Variants in FOXP1 observed in about 807,000 individuals in gnomAD.
FOXP1 encodes forkhead box protein P1.
A neutral mutation model predicts 98.2 loss-of-function variants in FOXP1; 15 were observed. The observed-to-expected ratio is 0.15, with a 90% CI of 0.10 to 0.24. The LOEUF is 0.24. Among genes scored for constraint, FOXP1 ranks in the 10% least tolerant of loss-of-function variants. FOXP1 has a pLI of 1.00. For missense variants in FOXP1, 633 were observed against 848.5 expected (o/e 0.75, Z 3.15); for synonymous variants, 371 against 314.5 (o/e 1.18, Z -1.90).
At chr3:71,030,619 G>T (rs1201070568) in intron 11 of FOXP1, among the ~76,000 whole-genome samples, 2 of 152,228 alleles carry the variant, frequency 1.3e-5, no homozygotes, top group African/African-American at 4.8e-5. Flanking sequence ...TTTGAGCTTG[G>T]TAAGTTTGGT....
chr3:71,142,998 T>C (rs1055618573), intron 6 of FOXP1, among the ~76,000 whole-genome samples: 1 of 152,028 alleles, frequency 6.6e-6, no homozygotes, highest in Non-Finnish European at 1.5e-5. Flanking sequence ...AGGGCTTGCA[T>C]ACTGGTCCCA....
chr3:71,576,757 C>G (rs1202381017), intron 2 of FOXP1, among the ~76,000 whole-genome samples: 1 of 152,114 alleles, frequency 6.6e-6, no homozygotes, highest in Admixed American at 6.5e-5. Context: ...CTAAACTGAG[C>G]CCCCCTCCCC....
At position 71,041,425 on chromosome 3, in the gene FOXP1, A is replaced by G. The variant is rs745810796; in HGVS notation, c.772T>C (p.Cys258Arg). Residue 258 changes from cysteine to arginine, a missense_variant, in exon 11 of 21, where the codon TGT (cysteine) becomes CGT (arginine). Cys to Arg is a radical substitution (Grantham distance 180). Coordinates refer to ENST00000649528, the MANE Select transcript of FOXP1 (RefSeq NM_001349338.3). The stretch of plus-strand genomic sequence containing the variant: ...TTGGAAGGTGCAGAGGAGGAGACAC[A>G]TGTCGTGGTCAGATCCAAACTGCTG... ...NHSSLDLTTTCVSSSAPSKTS... is the reference protein window; with the variant it reads ...NHSSLDLTTTRVSSSAPSKTS... 1 of 1,613,904 alleles carries G rather than the reference A, an allele frequency of 6.2e-7. No individual in the cohort carries two copies. The highest frequency in any genetic ancestry group is 8.5e-7 in the Non-Finnish European group (1 of 1,179,836).
intron 2 of FOXP1, among the ~76,000 whole-genome samples, chr3:71,554,387 T>A (rs1458575978): frequency 6.6e-6 from 1 of 152,192 alleles, no homozygotes; most frequent in Admixed American, 6.5e-5. Context: ...AAAATTCAAA[T>A]GTGTTTAATC....
chr3:71,465,744 C>A (rs1360487274), intron 3 of FOXP1, among the ~76,000 whole-genome samples: 1 of 152,178 alleles, frequency 6.6e-6, no homozygotes, highest in Non-Finnish European at 1.5e-5. Flanking sequence ...AGGCCACAGA[C>A]ACGTACCAGC....
chr3:71,190,938 A>T (rs2062942453), intron 6 of FOXP1, among the ~76,000 whole-genome samples: 1 of 152,242 alleles, frequency 6.6e-6, no homozygotes, highest in Non-Finnish European at 1.5e-5. Context: ...TGATGAAAAG[A>T]AACTTTCTAA....
chr3:71,314,974 T>C (rs1336248318), intron 4 of FOXP1, among the ~76,000 whole-genome samples: 1 of 151,714 alleles, frequency 6.6e-6, no homozygotes, highest in Non-Finnish European at 1.5e-5. Flanking sequence ...AATAACATGT[T>C]TCTTTGACTT....
At chr3:71,088,005 T>C (rs2055326535) in intron 7 of FOXP1, among the ~76,000 whole-genome samples, 1 of 152,170 alleles carries the variant, frequency 6.6e-6, no homozygotes, top group African/African-American at 2.4e-5. Flanking sequence ...AGTGTGCAAA[T>C]GTATGTTTTC....
intron 2 of FOXP1, among the ~76,000 whole-genome samples, chr3:71,546,829 C>T (rs2045400168): frequency 6.6e-6 from 1 of 152,144 alleles, no homozygotes; most frequent in African/African-American, 2.4e-5. Flanking sequence ...CTACCCAGAG[C>T]CACTAATGGA....
chr3:71,112,737 G>A (rs1271467248), intron 6 of FOXP1, 100 bp from the exon 7 acceptor site: 2 of 829,028 alleles, frequency 2.4e-6, no homozygotes, highest in Non-Finnish European at 4.1e-6. Context: ...ACTGGGTCCT[G>A]ACTTTCCTAT....
At position 71,397,006 on chromosome 3, in the gene FOXP1, GTGTA is replaced by G. The variant is rs1303850008; in HGVS notation, c.-167-37766_-167-37763del. Among the ~76,000 whole-genome samples, 6 of 39,534 alleles carry G rather than the reference GTGTA, an allele frequency of 1.5e-4. 2 individuals carry two copies. The highest frequency in any genetic ancestry group is 6.0e-4 in the African/African-American group (5 of 8,328). 25.9% of individuals were successfully genotyped at this position (39,534 alleles called of 152,430 possible). A position where few individuals can be genotyped will look rare whatever the true frequency, so the allele number is the denominator to read the frequency against. On this transcript the variant is annotated intron_variant, in intron 3 of 20. Coordinates refer to ENST00000649528, the MANE Select transcript of FOXP1 (RefSeq NM_001349338.3). The stretch of plus-strand genomic sequence containing the variant: ...TGTGTATATATATACACATATATAT[GTGTA>G]TATATATATATATACATATATATGT...
chr3:71,022,823 G>A (rs2045611887), intron 11 of FOXP1, among the ~76,000 whole-genome samples: 1 of 152,156 alleles, frequency 6.6e-6, no homozygotes, highest in Non-Finnish European at 1.5e-5. Flanking sequence ...TATGCAGATG[G>A]CATAGGGAAC....
At chr3:70,995,229 G>A (rs1170872012) in intron 13 of FOXP1, among the ~76,000 whole-genome samples, 1 of 152,158 alleles carries the variant, frequency 6.6e-6, no homozygotes, top group Non-Finnish European at 1.5e-5. Context: ...ACGGCCGGTG[G>A]ACAGTGGGGG....
At chr3:71,081,353 T>G (rs545360908) in intron 7 of FOXP1, among the ~76,000 whole-genome samples, 18 of 152,116 alleles carry the variant, frequency 1.2e-4, no homozygotes, top group African/African-American at 3.4e-4. Flanking sequence ...AGACACAGAA[T>G]CATAGAAACT....
chr3:71,579,570 C>A (rs973131931), intron 2 of FOXP1, among the ~76,000 whole-genome samples: 1 of 151,556 alleles, frequency 6.6e-6, no homozygotes, highest in Admixed American at 6.6e-5. Context: ...TTTTAAATTC[C>A]AAGAGTGGGC....
Position 71,359,139 on chromosome 3 carries a change from C to CT in FOXP1, c.-73+10dup, listed in dbSNP as rs2078379025. On this transcript the variant is annotated intron_variant, in intron 4 of 20. Transcript: ENST00000649528. ...AGGTGGTATACAGCATCAGTGGTGT[C>CT]TGTCACTTACCCTGAAATTTTAACG... 1 of 152,142 alleles carries CT rather than the reference C, an allele frequency of 6.6e-6. No individual in the cohort carries two copies. Among genetic ancestry groups the CT allele is most frequent in the East Asian group, 1.9e-4 (1 of 5,192 alleles). 9.4% of individuals were successfully genotyped at this position (152,142 alleles called of 1,614,324 possible).
chr3:71,512,042 G>C (rs1321455393), intron 2 of FOXP1, among the ~76,000 whole-genome samples: 1 of 152,170 alleles, frequency 6.6e-6, no homozygotes, highest in Non-Finnish European at 1.5e-5. Context: ...CCTTGACATA[G>C]ATTTTCCCAT....
intron 6 of FOXP1, among the ~76,000 whole-genome samples, chr3:71,122,020 T>A (rs1179677526): frequency 1.3e-5 from 2 of 152,230 alleles, no homozygotes; most frequent in Non-Finnish European, 2.9e-5. Flanking sequence ...TCACATCTTT[T>A]CATACCTCAG....
chr3:71,579,098 C>T (rs915566443), intron 2 of FOXP1, among the ~76,000 whole-genome samples: 11 of 151,942 alleles, frequency 7.2e-5, no homozygotes, highest in African/African-American at 2.7e-4. Context: ...ACTATGTGAC[C>T]GACACTTGTT....
Sources: allele counts gnomAD v4.1 joint callset (sites outside exome capture counted in the v4.1 genomes callset), GRCh38; gene constraint gnomAD v4.1.1; transcripts MANE v1.5; gene names NCBI Gene and HGNC (gene_info 2026-07-23, HGNC 2026-07-21).